Variants in SLC24A2 observed in about 807,000 individuals in gnomAD.
SLC24A2 encodes the protein sodium/potassium/calcium exchanger 2.
A neutral mutation model predicts 62.0 loss-of-function variants in SLC24A2; 36 were observed. The observed-to-expected ratio is 0.58, with a 90% CI of 0.44 to 0.77. SLC24A2 has a LOEUF of 0.77. SLC24A2 is among the 30% of genes least tolerant of loss of function. SLC24A2 has a pLI of 0.00. For missense variants in SLC24A2, 846 were observed against 817.9 expected, an observed-to-expected ratio of 1.03 and a Z score of -0.42; for synonymous variants, 358 against 294.0, an observed-to-expected ratio of 1.22 and a Z score of -2.23.
In SLC24A2 at chr9:19,647,230, T is replaced by C. The variant is rs1587091416; in HGVS notation, c.931-24931A>G. Among the ~76,000 whole-genome samples the C allele has an allele frequency of 2.1e-5, 3 of 141,942 alleles. 1 individual carries two copies. The East Asian group carries it at 5.8e-4, about 27-fold the overall frequency. 93.1% of individuals were successfully genotyped at this position (141,942 alleles called of 152,430 possible). A position where few individuals can be genotyped will look rare whatever the true frequency, so the allele number is the denominator to read the frequency against. On this transcript the variant is annotated intron_variant, in intron 2 of 10. Transcript: ENST00000341998. ...ACAAGGAGTCTCAGACATCTATGTATCCCCCATAGAAACTAAGCATTTATT... is the reference window on the plus strand; with the variant it reads ...ACAAGGAGTCTCAGACATCTATGTACCCCCCATAGAAACTAAGCATTTATT...
chr9:19,517,853 GA>G (rs1833002048), intron 10 of SLC24A2, among the ~76,000 whole-genome samples: 2 of 151,332 alleles, frequency 1.3e-5, no homozygotes, highest in Non-Finnish European at 2.9e-5. Context: ...CTTGGCCTGG[GA>G]AACTCTTTTC....
chr9:19,642,986 C>CTTTTTTT (rs71335441), intron 2 of SLC24A2, among the ~76,000 whole-genome samples: 1 of 125,302 alleles, frequency 8.0e-6, no homozygotes. Context: ...GGCCAGTATT[C>CTTTTTTT]TTTTTTTTTT....
At chr9:19,896,144 C>A in the SLC24A2 span, among the ~76,000 whole-genome samples, 1 of 152,104 alleles carries the variant, frequency 6.6e-6, no homozygotes. Flanking sequence ...TCCTTTCATG[C>A]CTGTTTAACG....
At chr9:19,933,888 T>C in the SLC24A2 span, among the ~76,000 whole-genome samples, 2 of 152,222 alleles carry the variant, frequency 1.3e-5, no homozygotes, top group South Asian at 4.1e-4. Flanking sequence ...TGTAGTATGA[T>C]TCCATTTATG....
the SLC24A2 span, among the ~76,000 whole-genome samples, chr9:20,249,991 T>C: frequency 3.3e-5 from 5 of 152,224 alleles, no homozygotes; most frequent in Non-Finnish European, 5.9e-5. Context: ...AATTTACATT[T>C]ATAAATTGTC....
the SLC24A2 span, among the ~76,000 whole-genome samples, chr9:19,951,514 C>G: frequency 5.9e-5 from 9 of 151,532 alleles, no homozygotes; most frequent in African/African-American, 2.2e-4. Context: ...GTCTATGGCA[C>G]ATTTTGAATT....
At chr9:19,546,019 A>C (rs1021257676) in intron 8 of SLC24A2, among the ~76,000 whole-genome samples, 5 of 152,308 alleles carry the variant, frequency 3.3e-5, no homozygotes, top group Non-Finnish European at 5.9e-5. Context: ...TTGCCTGGAT[A>C]TCACCAGAGG....
At chr9:19,815,959 CTTTTTTT>C in the SLC24A2 span, among the ~76,000 whole-genome samples, 55 of 103,460 alleles carry the variant, frequency 5.3e-4, 1 homozygote, top group Middle Eastern at 0.029. Context: ...TTTTTTGCCC[CTTTTTTT>C]TTTTTTTTTT....
chr9:20,211,528 C>T, the SLC24A2 span, among the ~76,000 whole-genome samples: 1 of 152,070 alleles, frequency 6.6e-6, no homozygotes, highest in Middle Eastern at 3.4e-3. Context: ...AGAATAATAA[C>T]AATAATAATA....
chr9:19,831,658 G>A, the SLC24A2 span, among the ~76,000 whole-genome samples: 1 of 152,040 alleles, frequency 6.6e-6, no homozygotes, highest in Non-Finnish European at 1.5e-5. Context: ...AGACAACATT[G>A]TCTTTAAAAT....
the SLC24A2 span, among the ~76,000 whole-genome samples, chr9:19,884,568 T>C: frequency 1.3e-5 from 2 of 152,224 alleles, no homozygotes; most frequent in African/African-American, 4.8e-5. Flanking sequence ...CTTATGTATA[T>C]ATGTATATAT....
the SLC24A2 span, among the ~76,000 whole-genome samples, chr9:20,152,795 C>T: frequency 6.6e-6 from 1 of 151,804 alleles, no homozygotes; most frequent in African/African-American, 2.4e-5. Flanking sequence ...ATGTTCACTC[C>T]TTTTGAAAGC....
chr9:19,944,573 T>C, the SLC24A2 span, among the ~76,000 whole-genome samples: 3 of 152,154 alleles, frequency 2.0e-5, no homozygotes, highest in East Asian at 3.8e-4. Flanking sequence ...TAGGATCCTC[T>C]TCTCATTGTC....
chr9:20,042,541 G>GT, the SLC24A2 span, among the ~76,000 whole-genome samples: 1 of 152,194 alleles, frequency 6.6e-6, no homozygotes, highest in Admixed American at 6.5e-5. Context: ...CAAGGTAGGG[G>GT]TGAGAGGACA....
chr9:19,665,091 C>T (rs1347234780), intron 2 of SLC24A2, among the ~76,000 whole-genome samples: 7 of 152,154 alleles, frequency 4.6e-5, no homozygotes, highest in Non-Finnish European at 7.3e-5. Flanking sequence ...ATACTGCAGG[C>T]CCTCACTCTT....
the SLC24A2 span, among the ~76,000 whole-genome samples, chr9:19,999,211 C>G: frequency 6.6e-6 from 1 of 151,616 alleles, no homozygotes; most frequent in East Asian, 1.9e-4. Context: ...CCTTCGCCTC[C>G]CTGGCTGGAA....
chr9:20,193,925 T>A, the SLC24A2 span, among the ~76,000 whole-genome samples: 1 of 152,176 alleles, frequency 6.6e-6, no homozygotes, highest in Non-Finnish European at 1.5e-5. Flanking sequence ...AGACTTTCCC[T>A]ATCAGACTTT....
chr9:20,217,634 T>C, the SLC24A2 span, among the ~76,000 whole-genome samples: 1 of 152,112 alleles, frequency 6.6e-6, no homozygotes, highest in Non-Finnish European at 1.5e-5. Flanking sequence ...CATCGGGGGG[T>C]AAACAAAGAG....
the SLC24A2 span, among the ~76,000 whole-genome samples, chr9:20,169,084 G>A: frequency 1.3e-5 from 2 of 151,978 alleles, no homozygotes; most frequent in African/African-American, 4.8e-5. Flanking sequence ...TAGTATAAGT[G>A]AAATAAGCCA....
Sources: allele counts gnomAD v4.1 joint callset (sites outside exome capture counted in the v4.1 genomes callset), GRCh38; gene constraint gnomAD v4.1.1; transcripts MANE v1.5; gene names NCBI Gene and HGNC (gene_info 2026-07-23, HGNC 2026-07-21).